Variants in KLF13 observed in about 807,000 individuals in gnomAD.
The protein encoded by KLF13 is KLF transcription factor 13.
In KLF13, 8 loss-of-function variants were observed where a neutral mutation model predicts 16.7. The observed-to-expected ratio is 0.48, with a 90% CI of 0.28 to 0.87. KLF13 has a LOEUF of 0.87. KLF13 is among the 40% of genes least tolerant of loss of function. The probability of loss-of-function intolerance (pLI) is 0.10; values close to 1 mark genes in which losing one functional copy is unlikely to be tolerated. For synonymous variants in KLF13, 245 were observed against 208.4 expected (o/e 1.18, Z -1.51); for missense variants, 447 against 452.2 (o/e 0.99, Z 0.10).
At chr15:31,406,250 G>T (rs1413467275), downstream of KLF13, among the ~76,000 whole-genome samples, 2 of 152,166 alleles carry the variant, frequency 1.3e-5, no homozygotes, top group Non-Finnish European at 2.9e-5. Context: ...GCCAAGGCAG[G>T]CGGATCACCT....
downstream of KLF13, among the ~76,000 whole-genome samples, chr15:31,404,909 G>T (rs2040098549): frequency 6.6e-6 from 1 of 152,184 alleles, no homozygotes; most frequent in South Asian, 2.1e-4. Flanking sequence ...TCACTCAGGG[G>T]TATGGATGGA....
At chr15:31,390,893 C>T (rs1457327956), upstream of KLF13, among the ~76,000 whole-genome samples, 1 of 151,718 alleles carries the variant, frequency 6.6e-6, no homozygotes, top group Non-Finnish European at 1.5e-5. Context: ...CTCATTCATC[C>T]CCTAAGACCC....
At chr15:31,414,018 C>T (rs2040227568) in intron 1 of KLF13, among the ~76,000 whole-genome samples, 2 of 152,036 alleles carry the variant, frequency 1.3e-5, no homozygotes, top group South Asian at 4.1e-4. Context: ...ATGATTATAA[C>T]AATGTATCAT....
Position 31,374,332 on chromosome 15 carries a change from ACCTCCACT to A in KLF13, c.*2035_*2042del, listed in dbSNP as rs1298714976. Reference sequence around the variant, plus strand: ...GGTGGGAACTGGCAGGGAGAGGGTCACCTCCACTCTGGTTGGATGCGGAGCTGGTCCCT... The same window carrying A: ...GGTGGGAACTGGCAGGGAGAGGGTCACTGGTTGGATGCGGAGCTGGTCCCT... On this transcript the variant is annotated 3_prime_UTR_variant, in exon 2 of 2. Transcript: ENST00000307145. 6 of 152,078 alleles carry A rather than the reference ACCTCCACT, an allele frequency of 3.9e-5. No individual in the cohort carries two copies. Among genetic ancestry groups the A allele is most frequent in the African/African-American group, 1.5e-4 (6 of 41,336 alleles). 9.4% of individuals were successfully genotyped at this position (152,078 alleles called of 1,614,324 possible).
At chr15:31,335,193 A>G (rs536639993) in intron 1 of KLF13, among the ~76,000 whole-genome samples, 5 of 152,130 alleles carry the variant, frequency 3.3e-5, no homozygotes, top group East Asian at 3.9e-4. Context: ...TCAGTTTTAG[A>G]TCTTAGGTCC....
intron 1 of KLF13, among the ~76,000 whole-genome samples, chr15:31,346,648 A>G (rs1350021185): frequency 1.3e-5 from 2 of 152,354 alleles, no homozygotes; most frequent in Admixed American, 6.5e-5. Context: ...GTCACACAGC[A>G]GCCTTCACTT....
chr15:31,388,073 C>T (rs1292913886), upstream of KLF13, among the ~76,000 whole-genome samples: 1 of 152,180 alleles, frequency 6.6e-6, no homozygotes, highest in Non-Finnish European at 1.5e-5. Context: ...AGGATGCTGC[C>T]ACGAGTCAGG....
intron 1 of KLF13, among the ~76,000 whole-genome samples, chr15:31,386,246 C>G (rs2039795001): frequency 6.6e-6 from 1 of 152,158 alleles, no homozygotes; most frequent in African/African-American, 2.4e-5. Flanking sequence ...GCCTGTAATC[C>G]TAGCATTTTG....
At chr15:31,393,428 C>G (rs535945209) in intron 1 of KLF13, 1 of 151,764 alleles carries the variant, frequency 6.6e-6, no homozygotes, top group Non-Finnish European at 1.5e-5. Context: ...GCCCGTCCCC[C>G]CCCCGTCCCC....
chr15:31,352,214 T>G (rs1334288580), intron 1 of KLF13, among the ~76,000 whole-genome samples: 1 of 152,192 alleles, frequency 6.6e-6, no homozygotes, highest in Non-Finnish European at 1.5e-5. Flanking sequence ...CACTGAGATC[T>G]TGGAGGCTTT....
intron 1 of KLF13, among the ~76,000 whole-genome samples, chr15:31,365,773 C>T (rs1779434728): frequency 6.6e-6 from 1 of 152,100 alleles, no homozygotes; most frequent in Admixed American, 6.5e-5. Flanking sequence ...GGAGCACGCA[C>T]ACTCCTGAGC....
intron 1 of KLF13, among the ~76,000 whole-genome samples, chr15:31,430,165 C>G (rs941756740): frequency 1.3e-5 from 2 of 152,078 alleles, no homozygotes; most frequent in Non-Finnish European, 2.9e-5. Context: ...AATTAAGAAA[C>G]TTTTCTTCAT....
downstream of KLF13, among the ~76,000 whole-genome samples, chr15:31,404,937 C>T (rs559532971): frequency 6.6e-6 from 1 of 152,302 alleles, no homozygotes; most frequent in East Asian, 1.9e-4. Flanking sequence ...GTGGGGGGAG[C>T]TCTTTGCTCT....
downstream of KLF13, among the ~76,000 whole-genome samples, chr15:31,379,243 A>G (rs573008919): frequency 1.3e-5 from 2 of 152,294 alleles, no homozygotes; most frequent in African/African-American, 4.8e-5. Context: ...AAACAAGCAC[A>G]CATTTTTCAA....
chr15:31,383,674 G>A (rs1416013366), intron 1 of KLF13, among the ~76,000 whole-genome samples: 1 of 152,224 alleles, frequency 6.6e-6, no homozygotes, highest in Non-Finnish European at 1.5e-5. Context: ...GCCAAGGCGG[G>A]CAGATCACGA....
intron 1 of KLF13, among the ~76,000 whole-genome samples, chr15:31,365,694 C>T (rs556891706): frequency 5.3e-4 from 80 of 152,210 alleles, no homozygotes; most frequent in African/African-American, 1.9e-3. Flanking sequence ...GGAGCGTGCC[C>T]TTTGCGCAGG....
chr15:31,354,626 C>T (rs1278682236), intron 1 of KLF13, among the ~76,000 whole-genome samples: 1 of 152,198 alleles, frequency 6.6e-6, no homozygotes, highest in Non-Finnish European at 1.5e-5. Flanking sequence ...TTCAAGTGAT[C>T]TGCCCACCTT....
intron 1 of KLF13, among the ~76,000 whole-genome samples, chr15:31,342,868 A>G (rs1450087759): frequency 6.6e-6 from 1 of 151,646 alleles, no homozygotes; most frequent in Non-Finnish European, 1.5e-5. Flanking sequence ...CTGTGAGTGT[A>G]TTTTGTTGTA....
At chr15:31,423,200 A>ATACGTATAC (rs1566848662) in intron 1 of KLF13, among the ~76,000 whole-genome samples, 1 of 61,122 alleles carries the variant, frequency 1.6e-5, no homozygotes, top group Non-Finnish European at 3.1e-5. Flanking sequence ...TATATATATC[A>ATACGTATAC]GTAGCTCACT....
Sources: allele counts gnomAD v4.1 joint callset (sites outside exome capture counted in the v4.1 genomes callset), GRCh38; gene constraint gnomAD v4.1.1; transcripts MANE v1.5; gene names NCBI Gene and HGNC (gene_info 2026-07-23, HGNC 2026-07-21).